PCDHA7: variants seen among roughly 807,000 people sequenced by gnomAD.
PCDHA7 encodes the protein protocadherin alpha 7.
In PCDHA7, 37 loss-of-function variants were observed where a neutral mutation model predicts 57.2. The observed-to-expected ratio is 0.65, with a 90% confidence interval of 0.50 to 0.85. The LOEUF (loss-of-function observed/expected upper bound fraction) is 0.85. Among genes scored for constraint, PCDHA7 ranks in the 40% least tolerant of loss-of-function variants. The probability of loss-of-function intolerance (pLI) is 0.00; values close to 1 mark genes in which losing one functional copy is unlikely to be tolerated. For synonymous variants in PCDHA7, 553 were observed against 558.8 expected, an observed-to-expected ratio of 0.99 and a Z score of 0.15; for missense variants, 1,188 against 1,241.8, an observed-to-expected ratio of 0.96 and a Z score of 0.65.
chr5:140,871,565 G>T, intron 1 of PCDHA7: 2 of 1,483,114 alleles, frequency 1.3e-6, no homozygotes, highest in South Asian at 2.7e-5. Context: ...TTTTTTTCAC[G>T]GATTTTTTAA....
intron 3 of PCDHA7, 60 bp from the exon 4 acceptor site, chr5:141,009,567 A>T: frequency 6.3e-7 from 1 of 1,575,430 alleles, no homozygotes; most frequent in Admixed American, 1.8e-5. Flanking sequence ...CTCTACCAGC[A>T]GTGTGGCATC....
chr5:141,006,426 G>A (rs2153987618), intron 3 of PCDHA7, among the ~76,000 whole-genome samples: 1 of 152,170 alleles, frequency 6.6e-6, no homozygotes, highest in Admixed American at 6.5e-5. Context: ...TGTTAGCCAG[G>A]ATGGTCTCAA....
intron 1 of PCDHA7, chr5:140,875,470 G>T: frequency 6.2e-7 from 1 of 1,605,786 alleles, no homozygotes; most frequent in Non-Finnish European, 8.5e-7. Context: ...CTCATTTTCT[G>T]CAATGGTGAT....
intron 1 of PCDHA7, chr5:140,857,501 G>C (rs1554150129): frequency 6.3e-7 from 1 of 1,598,242 alleles, no homozygotes; most frequent in Non-Finnish European, 8.6e-7. Flanking sequence ...GGACGCGCAG[G>C]AGAACGCCCT....
At chr5:140,869,669 T>A in intron 1 of PCDHA7, 1 of 1,613,476 alleles carries the variant, frequency 6.2e-7, no homozygotes, top group South Asian at 1.1e-5. Flanking sequence ...GGTAAGCAGA[T>A]TAAAAGACTG....
At chr5:140,856,659 A>C in intron 1 of PCDHA7, 1 of 1,598,186 alleles carries the variant, frequency 6.3e-7, no homozygotes, top group Non-Finnish European at 8.6e-7. Context: ...CGTGAAGAAA[A>C]TCCTCAGCTA....
intron 1 of PCDHA7, among the ~76,000 whole-genome samples, chr5:140,891,620 C>T (rs1194351903): frequency 6.6e-6 from 1 of 152,122 alleles, no homozygotes; most frequent in African/African-American, 2.4e-5. Flanking sequence ...TTTATTTTAA[C>T]ACCTTTTGCT....
intron 1 of PCDHA7, chr5:140,927,446 TG>T: frequency 2.1e-5 from 34 of 1,614,128 alleles, no homozygotes; most frequent in Non-Finnish European, 2.5e-5. Flanking sequence ...TACCCGGAGT[TG>T]GTGTTGGAGA....
chr5:141,010,341 T>G lies in PCDHA7; in HGVS notation c.*404T>G, dbSNP rs199826290. The stretch of plus-strand genomic sequence containing the variant: ...GAGCAGCTTGGGAGTTTGTGGCCAC[T>G]GGGTATGTGTGGCTACCGCGGGTAT... On this transcript the variant is annotated 3_prime_UTR_variant, in exon 4 of 4. Transcript: ENST00000525929. The G allele has an allele frequency of 4.0e-6, 6 of 1,503,220 alleles. No individual in the cohort carries two copies. Among genetic ancestry groups the G allele is most frequent in the Non-Finnish European group, 4.5e-6 (5 of 1,119,592 alleles). The allele number at this position is 1,503,220 out of a possible 1,614,324, so 93.1% of individuals were successfully genotyped here.
Position 140,881,064 on chromosome 5 carries a change from T to C in PCDHA7, c.2355+44326T>C, listed in dbSNP as rs191524582. On this transcript the variant is annotated intron_variant, in intron 1 of 3. Transcript: ENST00000525929. ...AGAGTTGTGCACAGAACAGGCCAGA[T>C]AATTATTGGAGCTATGATATATTTT... Among the ~76,000 whole-genome samples, 392 of 152,302 alleles carry C rather than the reference T, an allele frequency of 2.6e-3. 1 individual carries two copies. The highest frequency in any genetic ancestry group is 9.1e-3 in the African/African-American group (379 of 41,556).
chr5:140,881,300 T>C, intron 1 of PCDHA7: 3 of 957,608 alleles, frequency 3.1e-6, no homozygotes, highest in Non-Finnish European at 3.7e-6. Flanking sequence ...ATGGAAACTT[T>C]AACCTCCTGG....
At chr5:140,870,848 G>A in intron 1 of PCDHA7, 1 of 1,613,876 alleles carries the variant, frequency 6.2e-7, no homozygotes, top group East Asian at 2.2e-5. Context: ...CTAGTACCGC[G>A]GTCGGTGGGT....
intron 1 of PCDHA7, chr5:140,843,756 G>A: frequency 2.7e-6 from 4 of 1,503,408 alleles, no homozygotes; most frequent in Non-Finnish European, 3.7e-6. Flanking sequence ...TTCTATTTGT[G>A]GAAATTGTAG....
At position 140,888,063 on chromosome 5, in the gene PCDHA7, T is replaced by A. The variant is rs1412671068; in HGVS notation, c.2355+51325T>A. On this transcript the variant is annotated intron_variant, in intron 1 of 3. Coordinates refer to ENST00000525929, the MANE Select transcript of PCDHA7 (RefSeq NM_018910.3). Reference sequence around the variant, plus strand: ...TGTATAATAGATGTTTTAACTTTCTTGTCTGCTAATTTCAACATTTTTGTC... The same window carrying A: ...TGTATAATAGATGTTTTAACTTTCTAGTCTGCTAATTTCAACATTTTTGTC... Among the ~76,000 whole-genome samples the A allele has an allele frequency of 2.0e-5, 3 of 152,238 alleles. No homozygotes were observed. In the East Asian group the frequency reaches 5.8e-4, roughly 29 times the overall value.
chr5:140,913,237 C>A (rs2076260841), intron 1 of PCDHA7, among the ~76,000 whole-genome samples: 1 of 152,080 alleles, frequency 6.6e-6, no homozygotes, highest in Non-Finnish European at 1.5e-5. Context: ...TGCTGGGAGA[C>A]TTTTTGTTAC....
chr5:140,841,732 C>G, intron 1 of PCDHA7: 7 of 1,613,858 alleles, frequency 4.3e-6, no homozygotes, highest in Non-Finnish European at 5.9e-6. Flanking sequence ...GGGTAAAAGA[C>G]CAAAAGCTGT....
rs781920774 is a variant in PCDHA7 at position 140,882,850 on chromosome 5, T to A, written c.2355+46112T>A. 4 of 1,614,090 alleles carry A rather than the reference T, an allele frequency of 2.5e-6. No homozygotes were observed. In the African/African-American group the frequency reaches 5.3e-5, roughly 22 times the overall value. ...TTGAGCAAATGTCTTCATTATCACT[T>A]GTACTGAGGAAAACACTGGACAGAG... On this transcript the variant is annotated intron_variant, in intron 1 of 3. Coordinates refer to ENST00000525929, the MANE Select transcript of PCDHA7 (RefSeq NM_018910.3).
intron 1 of PCDHA7, chr5:140,928,442 A>G (rs781976941): frequency 1.2e-6 from 2 of 1,614,166 alleles, no homozygotes; most frequent in South Asian, 1.1e-5. Flanking sequence ...GACTTTGAGC[A>G]GCTCAGGGGG....
chr5:140,853,649 T>C (rs2042817758), intron 1 of PCDHA7: 2 of 988,760 alleles, frequency 2.0e-6, no homozygotes, highest in African/African-American at 1.8e-5. Flanking sequence ...AAATTGAGCC[T>C]GTTCCAGACA....
Sources: gnomAD v4.1 joint callset for allele counts (sites outside exome capture counted in the v4.1 genomes callset) on GRCh38, gnomAD v4.1.1 for gene constraint, MANE v1.5 for transcripts, NCBI Gene and HGNC (gene_info 2026-07-23, HGNC 2026-07-21) for gene names.